Variants in EML6 observed in about 807,000 individuals in gnomAD.
The protein encoded by EML6 is EMAP like 6, also known as echinoderm microtubule-associated protein-like 6.
A neutral mutation model predicts 240.1 loss-of-function variants in EML6; 154 were observed. That is an observed-to-expected ratio of 0.64 (90% confidence interval 0.56 to 0.73). The LOEUF (loss-of-function observed/expected upper bound fraction) is 0.73, where lower values mean the gene tolerates loss of function less well. Among genes scored for constraint, EML6 ranks in the 30% least tolerant of loss-of-function variants. The pLI, the probability that EML6 is intolerant of heterozygous loss-of-function variation, is 0.00. For missense variants in EML6, 2,964 were observed against 2,474.6 expected (o/e 1.20, Z -4.20); for synonymous variants, 1,148 against 899.0 (o/e 1.28, Z -4.95).
chr2:54,965,022 T>A (rs938457920), intron 38 of EML6, among the ~76,000 whole-genome samples: 1 of 152,186 alleles, frequency 6.6e-6, no homozygotes, highest in East Asian at 1.9e-4. Flanking sequence ...CTTCAGAGTT[T>A]CCTGATTTCT....
chr2:54,934,814 G>C (rs2104419356), intron 28 of EML6, among the ~76,000 whole-genome samples: 1 of 152,268 alleles, frequency 6.6e-6, no homozygotes, highest in East Asian at 1.9e-4. Flanking sequence ...GGCCTCCCAA[G>C]TGCTAGGATT....
At chr2:54,949,798 C>G (rs1021138612) in intron 29 of EML6, among the ~76,000 whole-genome samples, 1 of 152,230 alleles carries the variant, frequency 6.6e-6, no homozygotes, top group African/African-American at 2.4e-5. Flanking sequence ...CTCTGGCCCC[C>G]CAAACCCACC....
In EML6 at chr2:54,887,877, C is replaced by T. The variant is rs185052755; in HGVS notation, c.2439-3177C>T. Among the ~76,000 whole-genome samples, 12 of 152,282 alleles carry T rather than the reference C, an allele frequency of 7.9e-5. No homozygotes were observed. In the East Asian group the frequency reaches 1.2e-3, roughly 15 times the overall value. On this transcript the variant is annotated intron_variant, in intron 17 of 41. Coordinates refer to ENST00000356458, the MANE Select transcript of EML6 (RefSeq NM_001039753.4). ...CCTACTATCACCCTCCTGCACTAGA[C>T]GGTACATTTGTTACAATTCATGAAC...
intron 4 of EML6, among the ~76,000 whole-genome samples, chr2:54,819,974 G>T (rs1282919631): frequency 6.6e-6 from 1 of 152,110 alleles, no homozygotes; most frequent in Non-Finnish European, 1.5e-5. Flanking sequence ...GCATTAAATT[G>T]TAGTTAACTA....
rs376066716 is a variant in EML6 at position 54,847,413 on chromosome 2, C to G, written c.1050-73C>G. ...GTTACTGTTGGTGTGGTGAGCAGCC[C>G]TTCTTGCCTTGGGCTGGCCGATGAC... is the stretch of plus-strand genomic sequence containing the variant. On this transcript the variant is annotated intron_variant, in intron 8 of 41. Transcript: ENST00000356458. 31 of 1,496,438 alleles carry G rather than the reference C, an allele frequency of 2.1e-5. 1 individual carries two copies. The highest frequency in any genetic ancestry group is 7.4e-5 in the East Asian group (3 of 40,426). The allele number at this position is 1,496,438 out of a possible 1,614,324, so 92.7% of individuals were successfully genotyped here.
chr2:54,735,430 C>T (rs771486580), intron 2 of EML6, among the ~76,000 whole-genome samples: 40 of 152,282 alleles, frequency 2.6e-4, no homozygotes, highest in Non-Finnish European at 1.3e-4. Flanking sequence ...ATACATACTT[C>T]GTGAAGATAA....
chr2:54,848,325 C>T (rs1669880678), intron 9 of EML6, among the ~76,000 whole-genome samples: 1 of 152,024 alleles, frequency 6.6e-6, no homozygotes, highest in South Asian at 2.1e-4. Flanking sequence ...TAAATATTTC[C>T]CGCTTTGCAC....
In EML6 at chr2:54,723,795, C is replaced by T. The variant is rs1462419095; in HGVS notation, c.-514+18C>T. 2.6e-5 allele frequency: 4 copies of T among 152,416 alleles called. No individual in the cohort carries two copies. The highest frequency in any genetic ancestry group is 4.8e-5 in the African/African-American group (2 of 41,478). 9.4% of individuals were successfully genotyped at this position (152,416 alleles called of 1,614,324 possible). On this transcript the variant is annotated intron_variant, in intron 1 of 41. Transcript: ENST00000356458. ...CAGCAGAGGTTAGAGGCAGAGAGCG[C>T]GCGGATGCTCCGCGGGCGAGGCTGG...
At chr2:54,791,193 T>C (rs540054119) in intron 2 of EML6, among the ~76,000 whole-genome samples, 1 of 151,882 alleles carries the variant, frequency 6.6e-6, no homozygotes, top group Non-Finnish European at 1.5e-5. Context: ...ATTTCCTGCT[T>C]CTCCTGAGTT....
chr2:54,857,561 T>C (rs1290916346), intron 11 of EML6, among the ~76,000 whole-genome samples: 1 of 152,176 alleles, frequency 6.6e-6, no homozygotes, highest in Non-Finnish European at 1.5e-5. Context: ...CAAGAAAATA[T>C]AAACATCTGA....
At chr2:54,968,065 C>T in intron 39 of EML6, 63 bp from the exon 40 acceptor site, 1 of 1,484,968 alleles carries the variant, frequency 6.7e-7, no homozygotes. Context: ...GAGGTGATGA[C>T]TGACTGCAAG....
chr2:54,817,115 T>C (rs1363859561), intron 4 of EML6, among the ~76,000 whole-genome samples: 1 of 152,210 alleles, frequency 6.6e-6, no homozygotes, highest in Non-Finnish European at 1.5e-5. Flanking sequence ...CAAAGCAAAT[T>C]TTTGATGCTG....
At chr2:54,755,750 T>G (rs1667691749) in intron 2 of EML6, among the ~76,000 whole-genome samples, 1 of 152,116 alleles carries the variant, frequency 6.6e-6, no homozygotes. Context: ...ACCCTCCACC[T>G]CCCAGGCTCA....
At chr2:54,735,247 G>T (rs1683341373) in intron 2 of EML6, among the ~76,000 whole-genome samples, 1 of 152,192 alleles carries the variant, frequency 6.6e-6, no homozygotes, top group African/African-American at 2.4e-5. Context: ...GCATCGTGTT[G>T]CATTTGTTGA....
At chr2:54,842,218 C>T (rs559645188) in intron 7 of EML6, among the ~76,000 whole-genome samples, 3 of 152,316 alleles carry the variant, frequency 2.0e-5, no homozygotes, top group East Asian at 1.9e-4. Flanking sequence ...ATCCTCCATA[C>T]TCTGCCTGTT....
chr2:54,967,287 C>T, intron 39 of EML6, 184 bp downstream of exon 39: 2 of 424,280 alleles, frequency 4.7e-6, no homozygotes, highest in South Asian at 3.4e-5. Flanking sequence ...TTTGATCTGA[C>T]CTAGGTTTTT....
At chr2:54,960,106 C>A in intron 34 of EML6, 114 bp from the exon 35 acceptor site, 1 of 775,628 alleles carries the variant, frequency 1.3e-6, no homozygotes, top group Non-Finnish European at 2.1e-6. Flanking sequence ...GTCTTTCCTT[C>A]TGGGCCCCAA....
chr2:54,933,140 A>C (rs1455186757), intron 28 of EML6, among the ~76,000 whole-genome samples: 2 of 152,212 alleles, frequency 1.3e-5, no homozygotes, highest in Non-Finnish European at 2.9e-5. Flanking sequence ...GTTCAAAATC[A>C]GTAGGAAAGA....
At chr2:54,855,439 T>C in intron 11 of EML6, among the ~76,000 whole-genome samples, 1 of 147,222 alleles carries the variant, frequency 6.8e-6, no homozygotes. Context: ...ACCCCCATAA[T>C]CCAGTTACCT....
Sources: allele counts gnomAD v4.1 joint callset (sites outside exome capture counted in the v4.1 genomes callset), GRCh38; gene constraint gnomAD v4.1.1; transcripts MANE v1.5; gene names NCBI Gene and HGNC (gene_info 2026-07-23, HGNC 2026-07-21).